NSD3: variants seen among roughly 807,000 people sequenced by gnomAD.
NSD3 encodes histone-lysine N-methyltransferase NSD3.
In NSD3, 24 loss-of-function variants were observed where a neutral mutation model predicts 160.8. The observed-to-expected ratio is 0.15, with a 90% confidence interval of 0.11 to 0.21. The LOEUF is 0.21. Among genes scored for constraint, NSD3 ranks in the 10% least tolerant of loss-of-function variants. The pLI, the probability that NSD3 is intolerant of heterozygous loss-of-function variation, is 1.00. For synonymous variants in NSD3, 520 were observed against 600.0 expected (o/e 0.87, Z 1.95); for missense variants, 1,157 against 1,735.9 (o/e 0.67, Z 5.93).
intron 1 of NSD3, among the ~76,000 whole-genome samples, chr8:38,366,899 C>A (rs745336118): frequency 7.2e-5 from 11 of 152,146 alleles, no homozygotes; most frequent in Non-Finnish European, 1.5e-4. Flanking sequence ...AGTGCAGATA[C>A]AGAATATTTC....
intron 1 of NSD3, among the ~76,000 whole-genome samples, chr8:38,354,383 A>G (rs1360692998): frequency 6.6e-6 from 1 of 152,258 alleles, no homozygotes; most frequent in Non-Finnish European, 1.5e-5. Flanking sequence ...TAAATCCTGG[A>G]TTTAAATACA....
intron 1 of NSD3, among the ~76,000 whole-genome samples, chr8:38,375,582 CT>C (rs1811368779): frequency 6.6e-6 from 1 of 151,826 alleles, no homozygotes; most frequent in Non-Finnish European, 1.5e-5. Flanking sequence ...AAACTGTAAG[CT>C]TTTTAAAAAA....
Position 38,318,061 on chromosome 8 carries a change from C to T in NSD3, c.1855+834G>A. The T allele has an allele frequency of 1.2e-6, 2 of 1,613,820 alleles. No homozygotes were observed. The highest frequency in any genetic ancestry group is 1.7e-6 in the Non-Finnish European group (2 of 1,179,910). On this transcript the variant is annotated intron_variant, in intron 9 of 23. Transcript: ENST00000317025. This position sits in a 1 kb window ranked among gnomAD's most constrained non-coding sequence, Gnocchi z 5.3. ...ACCCTGTGGAATGGTGGAAACACAA[C>T]GCAATCAGGCCTCCTAATCTCGCAG... is the stretch of plus-strand genomic sequence containing the variant.
At chr8:38,350,598 T>C (rs1810667666) in intron 1 of NSD3, among the ~76,000 whole-genome samples, 1 of 152,214 alleles carries the variant, frequency 6.6e-6, no homozygotes, top group Non-Finnish European at 1.5e-5. Context: ...AAGTGGTATA[T>C]ATAGCAGAAG....
At chr8:38,326,244 T>G (rs956713972) in intron 7 of NSD3, among the ~76,000 whole-genome samples, 1 of 152,180 alleles carries the variant, frequency 6.6e-6, no homozygotes, top group African/African-American at 2.4e-5. Flanking sequence ...TTTCAATTCA[T>G]GGTGTCTGCT....
intron 2 of NSD3, among the ~76,000 whole-genome samples, chr8:38,343,512 G>A (rs1371468384): frequency 6.6e-6 from 1 of 152,056 alleles, no homozygotes; most frequent in Non-Finnish European, 1.5e-5. Context: ...CGACCAGCCT[G>A]GCCAACATAA....
At chr8:38,302,862 T>G (rs1257682500) in intron 14 of NSD3, among the ~76,000 whole-genome samples, 1 of 152,156 alleles carries the variant, frequency 6.6e-6, no homozygotes, top group African/African-American at 2.4e-5. Context: ...CCTGAACTCC[T>G]GGCCTTAAGC....
rs945827856 is a variant in NSD3, at chr8:38,331,518, C to T, written c.978G>A (p.Arg326=). ...GTTTATGACCTTTATACTCTCGTAC[C>T]CGTTTTTCATGAACCCACGCCCTCT... is the stretch of plus-strand genomic sequence containing the variant. ...QPERAWVHEK[R]VREYKGHKQY... Residue 326 remains arginine, a synonymous_variant, in exon 5 of 24, where the codon CGG becomes CGA. Transcript: ENST00000317025. The T allele has an allele frequency of 6.2e-6, 10 of 1,613,782 alleles. No individual in the cohort carries two copies. In the Admixed American group the frequency reaches 8.3e-5, roughly 13 times the overall value.
At chr8:38,381,274 T>TA (rs1264751629) in intron 1 of NSD3, among the ~76,000 whole-genome samples, 1 of 152,002 alleles carries the variant, frequency 6.6e-6, no homozygotes, top group African/African-American at 2.4e-5. Flanking sequence ...TCCCCTTTCC[T>TA]AATCCACCTT....
chr8:38,290,212 T>TA (rs11334854), intron 17 of NSD3, among the ~76,000 whole-genome samples: 122 of 140,198 alleles, frequency 8.7e-4, no homozygotes, highest in East Asian at 2.1e-3. Context: ...AGACCCTGTC[T>TA]AAAAAAAAAA....
At chr8:38,285,188 G>C (rs1324115663) in intron 19 of NSD3, among the ~76,000 whole-genome samples, 1 of 151,926 alleles carries the variant, frequency 6.6e-6, no homozygotes, top group Non-Finnish European at 1.5e-5. Flanking sequence ...ATAGACCACA[G>C]CAAAAAGGCT....
At position 38,270,932 on chromosome 8, in the gene NSD3, A is replaced by G. The variant is rs1212419515; in HGVS notation, c.*4709T>C. 1 of 152,192 alleles carries G rather than the reference A, an allele frequency of 6.6e-6. No individual in the cohort carries two copies. Among genetic ancestry groups the G allele is most frequent in the African/African-American group, 2.4e-5 (1 of 41,438 alleles). 9.4% of individuals were successfully genotyped at this position (152,192 alleles called of 1,614,324 possible). On this transcript the variant is annotated 3_prime_UTR_variant, in exon 24 of 24. Transcript: ENST00000317025. ...TGACCAAAACAAAACAAAAAACAGA[A>G]ATGTTTTTTGAAAGACACGGATTAC...
intron 15 of NSD3, among the ~76,000 whole-genome samples, chr8:38,297,717 T>C (rs942664454): frequency 2.0e-5 from 3 of 152,224 alleles, no homozygotes; most frequent in African/African-American, 7.2e-5. Flanking sequence ...CATCTCAGTA[T>C]AGATTAATTG....
At chr8:38,311,325 T>C (rs1315717500) in intron 12 of NSD3, among the ~76,000 whole-genome samples, 1 of 152,076 alleles carries the variant, frequency 6.6e-6, no homozygotes, top group Non-Finnish European at 1.5e-5. Context: ...AATTGTTTCG[T>C]TTTTTGTTTT....
chr8:38,305,563 A>G, intron 12 of NSD3, 118 bp from the exon 13 acceptor site: 1 of 843,800 alleles, frequency 1.2e-6, no homozygotes, highest in Non-Finnish European at 1.7e-6. Flanking sequence ...ATACTTAAGA[A>G]TTTAATGCAC....
intron 20 of NSD3, 192 bp from the exon 21 acceptor site, chr8:38,279,873 T>C: frequency 1.8e-6 from 1 of 566,400 alleles, no homozygotes; most frequent in East Asian, 2.9e-5. Flanking sequence ...CAAGTCAAAG[T>C]AATTAGGATA....
chr8:38,288,908 C>G lies in NSD3; in HGVS notation c.3232-152G>C, dbSNP rs948953008. ...TGAATAAGCTGAGATTAATAACCAT[C>G]TCTTTTGTCATTTAGTTGACAAAAA... On this transcript the variant is annotated intron_variant, in intron 18 of 23. Transcript: ENST00000317025. This position sits in a 1 kb window ranked among gnomAD's most constrained non-coding sequence, Gnocchi z 4.5. 5.0e-6 allele frequency: 5 copies of G among 996,108 alleles called. No individual in the cohort carries two copies. In the African/African-American group the frequency reaches 8.2e-5, roughly 16 times the overall value. The allele number at this position is 996,108 out of a possible 1,614,324, so 61.7% of individuals were successfully genotyped here. A position where few individuals can be genotyped will look rare whatever the true frequency, so the allele number is the denominator to read the frequency against.
chr8:38,357,736 T>C (rs1390516604), intron 1 of NSD3, among the ~76,000 whole-genome samples: 5 of 152,198 alleles, frequency 3.3e-5, no homozygotes, highest in African/African-American at 1.2e-4. Flanking sequence ...TCTTGGAACC[T>C]AACTCAAAGG....
chr8:38,322,801 T>C (rs1809821179), intron 7 of NSD3, among the ~76,000 whole-genome samples: 1 of 152,236 alleles, frequency 6.6e-6, no homozygotes, highest in Non-Finnish European at 1.5e-5. Context: ...AAACATTTTA[T>C]ATATCCCTGA....
Sources: gnomAD v4.1 joint callset for allele counts (sites outside exome capture counted in the v4.1 genomes callset) on GRCh38, gnomAD v4.1.1 for gene constraint, Gnocchi (gnomAD v3.1) non-coding constraint, MANE v1.5 for transcripts, NCBI Gene and HGNC (gene_info 2026-07-23, HGNC 2026-07-21) for gene names.